Variants in RUFY4 observed in about 807,000 individuals in gnomAD.
RUFY4 encodes the protein RUN and FYVE domain containing 4.
RUFY4 carries 73 observed loss-of-function variants against 69.0 expected under a neutral mutation model. The ratio of observed to expected loss-of-function variants is 1.06; its 90% confidence interval spans 0.88 to 1.29. The LOEUF (loss-of-function observed/expected upper bound fraction) is 1.29, where lower values mean the gene tolerates loss of function less well. Ranked by LOEUF, RUFY4 falls within the 50% of genes most tolerant of loss-of-function variation. The probability of loss-of-function intolerance (pLI) is 0.00; values close to 1 mark genes in which losing one functional copy is unlikely to be tolerated. For synonymous variants in RUFY4, 287 were observed against 271.8 expected (o/e 1.06, Z -0.55); for missense variants, 770 against 705.6 (o/e 1.09, Z -1.03).
chr2:218,058,454 A>G (rs1025253922), intron 2 of RUFY4: 2 of 152,214 alleles, frequency 1.3e-5, no homozygotes, highest in Admixed American at 6.5e-5. Context: ...CGACCCTTTA[A>G]TAAACATCAC....
chr2:218,068,955 T>G (rs1689414662), upstream of RUFY4: 1 of 152,368 alleles, frequency 6.6e-6, no homozygotes, highest in Non-Finnish European at 1.5e-5. Context: ...CGGAGCTCCA[T>G]GGCCTCCCTC....
chr2:218,075,780 G>T (rs771958421), intron 7 of RUFY4, 40 bp downstream of exon 9: 21 of 1,373,466 alleles, frequency 1.5e-5, no homozygotes, highest in Non-Finnish European at 2.0e-5. Context: ...ATTTGCCCCT[G>T]TCTGACCTGG....
intron 2 of RUFY4, among the ~76,000 whole-genome samples, chr2:218,046,545 T>A (rs1688833517): frequency 6.6e-6 from 1 of 152,244 alleles, no homozygotes; most frequent in South Asian, 2.1e-4. Context: ...ATGAATATCT[T>A]GCAATGCTGT....
chr2:218,060,468 G>A (rs572379653), intron 3 of RUFY4: 1 of 1,364,570 alleles, frequency 7.3e-7, no homozygotes, highest in Non-Finnish European at 1.1e-6. Flanking sequence ...AAAACTTCTG[G>A]CCAATGAAGG....
intron 8 of RUFY4, among the ~76,000 whole-genome samples, chr2:218,082,193 C>T (rs1689776074): frequency 6.6e-6 from 1 of 152,176 alleles, no homozygotes; most frequent in African/African-American, 2.4e-5. Flanking sequence ...GCCACCAAGC[C>T]CAAAACTAAA....
chr2:218,056,902 A>G (rs962464178), intron 2 of RUFY4, among the ~76,000 whole-genome samples: 2 of 152,114 alleles, frequency 1.3e-5, no homozygotes, highest in Admixed American at 6.6e-5. Flanking sequence ...CCTGGTCAAC[A>G]TGGTGAAACC....
chr2:218,071,915 C>A (rs530929196), intron 2 of RUFY4, among the ~76,000 whole-genome samples: 5 of 152,276 alleles, frequency 3.3e-5, no homozygotes, highest in African/African-American at 1.2e-4. Context: ...TACTTCTGCA[C>A]CCTCTCCTCA....
At chr2:218,063,711 A>T (rs1689253001) in intron 3 of RUFY4, among the ~76,000 whole-genome samples, 1 of 152,140 alleles carries the variant, frequency 6.6e-6, no homozygotes, top group East Asian at 1.9e-4. Context: ...CATGGGTGTG[A>T]GCGAGGGGCA....
At chr2:218,056,173 G>A (rs1287246106) in intron 2 of RUFY4, among the ~76,000 whole-genome samples, 1 of 151,416 alleles carries the variant, frequency 6.6e-6, no homozygotes, top group Non-Finnish European at 1.5e-5. Context: ...TGAGGCTTGG[G>A]CTTTTGGTTC....
At chr2:218,088,222 G>A (rs1689938175) in intron 9 of RUFY4, among the ~76,000 whole-genome samples, 1 of 152,110 alleles carries the variant, frequency 6.6e-6, no homozygotes, top group African/African-American at 2.4e-5. Flanking sequence ...GGTGGGGAAT[G>A]GTGGTTCATG....
rs16858606 is a variant in RUFY4, at chr2:218,060,849, T to C, written c.-1071+2168T>C. The C allele has an allele frequency of 0.022, 33,032 of 1,524,948 alleles. 4,060 individuals carry two copies. In the African/African-American group the frequency reaches 0.33, roughly 15 times the overall value. 94.5% of individuals were successfully genotyped at this position (1,524,948 alleles called of 1,614,324 possible). A position where few individuals can be genotyped will look rare whatever the true frequency, so the allele number is the denominator to read the frequency against. ...GTCCTCATAGCAGACTGGGCTAACA[T>C]TGGATGGGTAGAAGGTCCTTCGGAA... On this transcript the variant is annotated intron_variant and NMD_transcript_variant, in intron 3 of 13. Transcript: ENST00000457754.
At chr2:218,040,712 T>C (rs545536147) in intron 2 of RUFY4, among the ~76,000 whole-genome samples, 13 of 152,308 alleles carry the variant, frequency 8.5e-5, no homozygotes, top group African/African-American at 3.1e-4. Flanking sequence ...CCTAAGATTT[T>C]GTCTTTGGTG....
chr2:218,046,874 A>T (rs1187129808), intron 2 of RUFY4, among the ~76,000 whole-genome samples: 1 of 152,104 alleles, frequency 6.6e-6, no homozygotes, highest in African/African-American at 2.4e-5. Flanking sequence ...GGAAACTCTC[A>T]ATGTTAATTT....
chr2:218,046,439 G>T (rs959288965), intron 2 of RUFY4, among the ~76,000 whole-genome samples: 1 of 151,910 alleles, frequency 6.6e-6, no homozygotes, highest in South Asian at 2.1e-4. Context: ...CCACATACGC[G>T]TGAGACAGTG....
intron 8 of RUFY4, among the ~76,000 whole-genome samples, chr2:218,081,406 C>T (rs924629092): frequency 1.3e-5 from 2 of 152,330 alleles, no homozygotes; most frequent in Non-Finnish European, 2.9e-5. Context: ...GTCTGAGAAG[C>T]CTCTCCAAGA....
At chr2:218,088,537 C>T (rs1689947238) in intron 9 of RUFY4, among the ~76,000 whole-genome samples, 1 of 151,752 alleles carries the variant, frequency 6.6e-6, no homozygotes, top group Non-Finnish European at 1.5e-5. Context: ...AAATACAAGA[C>T]AGTTTGTACT....
intron 2 of RUFY4, among the ~76,000 whole-genome samples, chr2:218,053,111 C>T (rs1442898337): frequency 1.3e-5 from 2 of 152,060 alleles, no homozygotes; most frequent in Admixed American, 1.3e-4. Context: ...AGGTGCAAGA[C>T]ACAGTGCCTG....
chr2:218,080,555 G>C (rs1204167781), intron 8 of RUFY4, among the ~76,000 whole-genome samples: 1 of 152,212 alleles, frequency 6.6e-6, no homozygotes, highest in African/African-American at 2.4e-5. Context: ...CCTCCTCCCA[G>C]CTCAGATGCT....
At chr2:218,063,004 T>C (rs1402701996) in intron 3 of RUFY4, among the ~76,000 whole-genome samples, 1 of 152,220 alleles carries the variant, frequency 6.6e-6, no homozygotes, top group Non-Finnish European at 1.5e-5. Context: ...CTGACTCCCC[T>C]GTTCTTCTCA....
Sources: allele counts gnomAD v4.1 joint callset (sites outside exome capture counted in the v4.1 genomes callset), GRCh38; gene constraint gnomAD v4.1.1; transcripts MANE v1.5; gene names NCBI Gene and HGNC (gene_info 2026-07-23, HGNC 2026-07-21).